GFRA1: variants seen among roughly 807,000 people sequenced by gnomAD.
GFRA1 encodes the protein GDNF family receptor alpha-1.
GFRA1 carries 16 observed loss-of-function variants against 51.6 expected under a neutral mutation model. The observed-to-expected ratio is 0.31, with a 90% CI of 0.21 to 0.47. The LOEUF (loss-of-function observed/expected upper bound fraction) is 0.47. Among genes scored for constraint, GFRA1 ranks in the 20% least tolerant of loss-of-function variants. GFRA1 has a pLI of 1.00. For missense variants in GFRA1, 530 were observed against 594.3 expected, an observed-to-expected ratio of 0.89 and a Z score of 1.13; for synonymous variants, 270 against 241.3, an observed-to-expected ratio of 1.12 and a Z score of -1.10.
intron 4 of GFRA1, among the ~76,000 whole-genome samples, chr10:116,243,728 C>T (rs1464671538): frequency 1.3e-5 from 2 of 152,162 alleles, no homozygotes; most frequent in Non-Finnish European, 2.9e-5. Context: ...TTCCAGTGTA[C>T]AGCCTGTCCT....
At chr10:116,096,965 C>T (rs1053988477) in intron 6 of GFRA1, among the ~76,000 whole-genome samples, 15 of 152,056 alleles carry the variant, frequency 9.9e-5, no homozygotes, top group African/African-American at 3.4e-4. Flanking sequence ...CATTCAACCC[C>T]CTCATGTCCC....
At chr10:116,213,922 G>T (rs1431862296) in intron 4 of GFRA1, among the ~76,000 whole-genome samples, 1 of 152,142 alleles carries the variant, frequency 6.6e-6, no homozygotes, top group Non-Finnish European at 1.5e-5. Context: ...AAAGCCAACT[G>T]GGATGTAAAT....
chr10:116,075,229 G>A (rs899858235), intron 9 of GFRA1, among the ~76,000 whole-genome samples: 6 of 152,170 alleles, frequency 3.9e-5, no homozygotes, highest in African/African-American at 1.4e-4. Flanking sequence ...AAAAAAAAGT[G>A]CTTAGGAGAA....
chr10:116,096,504 C>T, intron 7 of GFRA1, 151 bp downstream of exon 7: 1 of 563,740 alleles, frequency 1.8e-6, no homozygotes. Flanking sequence ...TTTTTTTTTA[C>T]AGGCATGTCC....
At chr10:116,083,006 T>C (rs1319839255) in intron 9 of GFRA1, among the ~76,000 whole-genome samples, 5 of 152,160 alleles carry the variant, frequency 3.3e-5, no homozygotes, top group African/African-American at 2.4e-5. Context: ...GCACTGTTCT[T>C]TATCCCTCAC....
intron 4 of GFRA1, among the ~76,000 whole-genome samples, chr10:116,218,151 T>C (rs1405252819): frequency 6.6e-6 from 1 of 152,138 alleles, no homozygotes; most frequent in Non-Finnish European, 1.5e-5. Flanking sequence ...TTAGAACCCA[T>C]AGGTGCCAGA....
chr10:116,102,504 A>C (rs1956856158), intron 6 of GFRA1, among the ~76,000 whole-genome samples: 1 of 152,210 alleles, frequency 6.6e-6, no homozygotes, highest in African/African-American at 2.4e-5. Flanking sequence ...TGCTGCTGAA[A>C]AAGACATACC....
intron 4 of GFRA1, among the ~76,000 whole-genome samples, chr10:116,228,104 T>C (rs1486432973): frequency 2.0e-5 from 3 of 152,220 alleles, no homozygotes; most frequent in Admixed American, 6.5e-5. Context: ...TGGCTATTTC[T>C]AGATGGACTT....
At chr10:116,205,926 T>TCTCACA (rs1555167785) in intron 5 of GFRA1, among the ~76,000 whole-genome samples, 67 of 142,580 alleles carry the variant, frequency 4.7e-4, no homozygotes, top group African/African-American at 1.6e-3. Flanking sequence ...TTTCCTCATA[T>TCTCACA]CACACACACA....
intron 5 of GFRA1, among the ~76,000 whole-genome samples, chr10:116,173,962 C>T (rs535831387): frequency 3.3e-5 from 5 of 152,074 alleles, no homozygotes; most frequent in African/African-American, 1.2e-4. Flanking sequence ...TGCCTGTAAT[C>T]CCAGCTACTT....
chr10:116,162,713 T>C (rs1468031581), intron 5 of GFRA1, among the ~76,000 whole-genome samples: 2 of 152,196 alleles, frequency 1.3e-5, no homozygotes, highest in Admixed American at 1.3e-4. Flanking sequence ...GAACTTTGTG[T>C]TGTGATGGTT....
At chr10:116,229,018 T>C (rs1000010167) in intron 4 of GFRA1, among the ~76,000 whole-genome samples, 1 of 118,898 alleles carries the variant, frequency 8.4e-6, no homozygotes, top group African/African-American at 3.0e-5. Flanking sequence ...GAAAGGCAGG[T>C]GGCCTCTAGA....
intron 4 of GFRA1, among the ~76,000 whole-genome samples, chr10:116,249,616 T>C (rs1022538327): frequency 1.3e-5 from 2 of 152,200 alleles, no homozygotes; most frequent in African/African-American, 4.8e-5. Flanking sequence ...TCATGACCTG[T>C]ACACCTCTGC....
intron 5 of GFRA1, among the ~76,000 whole-genome samples, chr10:116,211,031 G>T (rs1191206441): frequency 6.6e-6 from 1 of 152,154 alleles, no homozygotes; most frequent in Non-Finnish European, 1.5e-5. Context: ...GGCCAATGTG[G>T]GGTTAGGATT....
At chr10:116,254,660 C>G (rs1053385921) in intron 4 of GFRA1, among the ~76,000 whole-genome samples, 1 of 152,214 alleles carries the variant, frequency 6.6e-6, no homozygotes, top group Admixed American at 6.5e-5. Context: ...GGACTTAAGT[C>G]AGAGGCATCC....
chr10:116,219,713 T>C (rs1965795530), intron 4 of GFRA1, among the ~76,000 whole-genome samples: 1 of 152,232 alleles, frequency 6.6e-6, no homozygotes, highest in Non-Finnish European at 1.5e-5. Context: ...ACAAAAAGTA[T>C]TTGTATTAAG....
intron 5 of GFRA1, among the ~76,000 whole-genome samples, chr10:116,167,957 G>A (rs559981737): frequency 6.6e-6 from 1 of 152,216 alleles, no homozygotes; most frequent in Admixed American, 6.5e-5. Context: ...GGAAGATTGG[G>A]GGGAGGGTGA....
Position 116,105,441 on chromosome 10 carries a change from C to T in GFRA1, c.771-8677G>A, listed in dbSNP as rs115940566. ...ACCTTCGGAAGTAAATGCCTGAAGT[C>T]GCCTGGTATTTATTCTGGAACGCTA... On this transcript the variant is annotated intron_variant, in intron 6 of 10. Coordinates refer to ENST00000355422, the MANE Select transcript of GFRA1 (RefSeq NM_005264.8). 5.7e-3 allele frequency among the ~76,000 whole-genome samples: 865 copies of T among 152,244 alleles called. 10 individuals are homozygous for T. Among genetic ancestry groups the T allele is most frequent in the African/African-American group, 0.02 (836 of 41,538 alleles).
intron 5 of GFRA1, among the ~76,000 whole-genome samples, chr10:116,126,826 A>C (rs1174959166): frequency 6.6e-6 from 1 of 152,222 alleles, no homozygotes; most frequent in Non-Finnish European, 1.5e-5. Context: ...GACAAGAGAG[A>C]AGGCACAGTT....
Sources: gnomAD v4.1 joint callset for allele counts (sites outside exome capture counted in the v4.1 genomes callset) on GRCh38, gnomAD v4.1.1 for gene constraint, MANE v1.5 for transcripts, NCBI Gene and HGNC (gene_info 2026-07-23, HGNC 2026-07-21) for gene names.